TANGO2: variants seen among roughly 807,000 people sequenced by gnomAD.
The protein encoded by TANGO2 is transport and golgi organization 2 homolog, also known as transport and Golgi organization protein 2 homolog.
In TANGO2, 26 loss-of-function variants were observed where a neutral mutation model predicts 39.1. The observed-to-expected ratio is 0.67, with a 90% confidence interval of 0.49 to 0.92. The LOEUF is 0.92. Ranked by LOEUF, TANGO2 falls within the 40% of genes least tolerant of loss-of-function variation. The pLI, the probability that TANGO2 is intolerant of heterozygous loss-of-function variation, is 0.00. For synonymous variants in TANGO2, 131 were observed against 144.5 expected, an observed-to-expected ratio of 0.91 and a Z score of 0.67; for missense variants, 326 against 360.1, an observed-to-expected ratio of 0.91 and a Z score of 0.77.
chr22:20,022,638 T>C (rs1182188921), intron 1 of TANGO2, among the ~76,000 whole-genome samples: 1 of 152,250 alleles, frequency 6.6e-6, no homozygotes, highest in African/African-American at 2.4e-5. Context: ...TGATTACGTT[T>C]TGCAGTGTGT....
intron 1 of TANGO2, among the ~76,000 whole-genome samples, chr22:20,028,400 C>A (rs1185093926): frequency 6.6e-6 from 1 of 152,228 alleles, no homozygotes; most frequent in Non-Finnish European, 1.5e-5. Context: ...CAGACATGAG[C>A]CCTGAAGGGA....
chr22:20,020,911 C>T (rs2039536035), upstream of TANGO2, among the ~76,000 whole-genome samples: 1 of 152,128 alleles, frequency 6.6e-6, no homozygotes, highest in Non-Finnish European at 1.5e-5. Flanking sequence ...CAGACGCCCG[C>T]GCAGCCCGAA....
rs369450914 is a variant in TANGO2, at chr22:20,063,352, C to T, written c.620C>T (p.Pro207Leu). The T allele has an allele frequency of 3.6e-5, 58 of 1,613,232 alleles. No homozygotes were observed. Among genetic ancestry groups the T allele is most frequent in the Non-Finnish European group, 4.3e-5 (51 of 1,179,862 alleles). Reference sequence around the variant, plus strand: ...CCATCCTGCAGGCAGCTGCCAGACCCGGCCATCGAGGACCAGGGTGGGGAG... The same window carrying T: ...CCATCCTGCAGGCAGCTGCCAGACCTGGCCATCGAGGACCAGGGTGGGGAG... ...LNNEEAQLPD[P>L]AIEDQGGEYV... Residue 207 changes from proline (P) to leucine (L), a missense_variant, in exon 8 of 9, where the codon CCG (proline) becomes CTG (leucine). Pro to Leu is a moderately conservative substitution (Grantham distance 98). Coordinates refer to ENST00000327374, the MANE Select transcript of TANGO2 (RefSeq NM_152906.7).
chr22:20,053,597 G>T (rs375376230), intron 5 of TANGO2, 46 bp downstream of exon 5: 1 of 1,303,156 alleles, frequency 7.7e-7, no homozygotes, highest in East Asian at 2.3e-5. Flanking sequence ...GCACTGCCTC[G>T]GGGGCAGGCC....
intron 1 of TANGO2, among the ~76,000 whole-genome samples, chr22:20,032,967 T>TGTGGG (rs2042145261): frequency 6.6e-6 from 1 of 152,008 alleles, no homozygotes; most frequent in Non-Finnish European, 1.5e-5. Context: ...GGTGGGCCTG[T>TGTGGG]GTGGGGACCT....
Position 20,065,037 on chromosome 22 carries a change from ATGTACG to A in TANGO2, c.*378_*383del, listed in dbSNP as rs1216606693. ...TATACATGGACACCGACACAGGCAC[ATGTACG>A]TGCACAGGTGTGCTACACATGTGCA... On this transcript the variant is annotated 3_prime_UTR_variant, in exon 9 of 9. Coordinates refer to ENST00000327374, the MANE Select transcript of TANGO2 (RefSeq NM_152906.7). 1 of 240,092 alleles carries A rather than the reference ATGTACG, an allele frequency of 4.2e-6. No homozygotes were observed. The highest frequency in any genetic ancestry group is 2.2e-5 in the African/African-American group (1 of 45,190). The allele number at this position is 240,092 out of a possible 1,614,324, so 14.9% of individuals were successfully genotyped here.
chr22:20,059,325 G>A (rs1242836304), intron 6 of TANGO2, among the ~76,000 whole-genome samples: 2 of 152,174 alleles, frequency 1.3e-5, no homozygotes, highest in African/African-American at 4.8e-5. Flanking sequence ...TTGGCTGTTG[G>A]AAACAGTGCT....
At chr22:20,021,555 C>T (rs737985) in intron 1 of TANGO2, among the ~76,000 whole-genome samples, 72,148 of 152,032 alleles carry the variant, frequency 0.47, 19,476 homozygotes, top group African/African-American at 0.75. Context: ...GGTCACTCTG[C>T]CCCCTACCCG....
At chr22:20,024,942 T>C (rs1189493979) in intron 1 of TANGO2, among the ~76,000 whole-genome samples, 1 of 152,080 alleles carries the variant, frequency 6.6e-6, no homozygotes, top group Non-Finnish European at 1.5e-5. Context: ...TTGGGTCTTC[T>C]CTTGCTTTCT....
chr22:20,052,654 G>A, intron 4 of TANGO2, 70 bp downstream of exon 4: 1 of 1,523,852 alleles, frequency 6.6e-7, no homozygotes, highest in South Asian at 1.2e-5. Flanking sequence ...GACAAGGTGG[G>A]GCCAAGGGAC....
At chr22:20,035,658 G>A in intron 1 of TANGO2, among the ~76,000 whole-genome samples, 1 of 152,186 alleles carries the variant, frequency 6.6e-6, no homozygotes, top group East Asian at 1.9e-4. Context: ...GGGGCCTTCG[G>A]GTCCTGTGGG....
chr22:20,031,871 G>C (rs372717866), intron 1 of TANGO2, among the ~76,000 whole-genome samples: 65 of 152,352 alleles, frequency 4.3e-4, no homozygotes, highest in African/African-American at 1.5e-3. Context: ...TCTCTCAGGG[G>C]CTGCCAGGCC....
intron 2 of TANGO2, among the ~76,000 whole-genome samples, chr22:20,038,746 C>A (rs1280712811): frequency 6.6e-6 from 1 of 152,120 alleles, no homozygotes; most frequent in East Asian, 1.9e-4. Flanking sequence ...TCTGCTCTGC[C>A]TGTGGGGTGT....
intron 2 of TANGO2, among the ~76,000 whole-genome samples, chr22:20,042,167 G>C (rs1421136509): frequency 7.8e-6 from 1 of 127,570 alleles, no homozygotes; most frequent in Non-Finnish European, 1.7e-5. Flanking sequence ...TTTTTTTTTT[G>C]TAGATATGGG....
chr22:20,026,381 T>G (rs955262023), intron 1 of TANGO2, among the ~76,000 whole-genome samples: 3 of 134,766 alleles, frequency 2.2e-5, no homozygotes, highest in Non-Finnish European at 4.7e-5. Flanking sequence ...CTGGGCGACA[T>G]AGCGAGACTT....
At chr22:20,061,260 TCATC>T in intron 6 of TANGO2, 1 of 346,480 alleles carries the variant, frequency 2.9e-6, no homozygotes, top group Non-Finnish European at 5.2e-6. Flanking sequence ...CATTTCTTAT[TCATC>T]CATCCATCGA....
At chr22:20,031,154 C>T (rs1231234960) in intron 1 of TANGO2, among the ~76,000 whole-genome samples, 3 of 151,746 alleles carry the variant, frequency 2.0e-5, no homozygotes, top group Non-Finnish European at 2.9e-5. Context: ...GCTGAGATCG[C>T]GCCGCTGCAC....
At chr22:20,036,238 C>T (rs1032276429) in intron 1 of TANGO2, among the ~76,000 whole-genome samples, 2 of 152,154 alleles carry the variant, frequency 1.3e-5, no homozygotes, top group Admixed American at 6.5e-5. Context: ...CCACAGTACT[C>T]GGCCTATGAG....
At chr22:20,029,159 T>C (rs2041359100) in intron 1 of TANGO2, among the ~76,000 whole-genome samples, 1 of 152,194 alleles carries the variant, frequency 6.6e-6, no homozygotes. Context: ...CTCATTCTTC[T>C]TAGAGAGGGA....
Sources: gnomAD v4.1 joint callset for allele counts (sites outside exome capture counted in the v4.1 genomes callset) on GRCh38, gnomAD v4.1.1 for gene constraint, MANE v1.5 for transcripts, NCBI Gene and HGNC (gene_info 2026-07-23, HGNC 2026-07-21) for gene names.